NAV3: variants seen among roughly 807,000 people sequenced by gnomAD.
The protein encoded by NAV3 is neuron navigator 3.
NAV3 carries 87 observed loss-of-function variants against 244.7 expected under a neutral mutation model. The ratio of observed to expected loss-of-function variants is 0.36; its 90% CI spans 0.30 to 0.42. The LOEUF (loss-of-function observed/expected upper bound fraction) is 0.42. NAV3 is among the 20% of genes least tolerant of loss of function. The pLI, the probability that NAV3 is intolerant of heterozygous loss-of-function variation, is 1.00. For synonymous variants in NAV3, 1,126 were observed against 1,042.2 expected, an observed-to-expected ratio of 1.08 and a Z score of -1.55; for missense variants, 2,663 against 2,893.3, an observed-to-expected ratio of 0.92 and a Z score of 1.83.
intron 1 of NAV3, among the ~76,000 whole-genome samples, chr12:77,843,303 A>C (rs1876020166): frequency 6.6e-6 from 1 of 152,178 alleles, no homozygotes; most frequent in African/African-American, 2.4e-5. Flanking sequence ...ATTACAAAAA[A>C]AAAGACTATT....
chr12:77,579,328 T>G (rs891562762), intron 2 of NAV3, among the ~76,000 whole-genome samples: 1 of 152,186 alleles, frequency 6.6e-6, no homozygotes, highest in African/African-American at 2.4e-5. Flanking sequence ...TGAAAAGAAG[T>G]GGTGGTGCCC....
intron 2 of NAV3, among the ~76,000 whole-genome samples, chr12:77,756,730 C>A (rs147027411): frequency 4.2e-4 from 64 of 152,230 alleles, no homozygotes; most frequent in African/African-American, 1.4e-3. Flanking sequence ...TTTCTAATAA[C>A]TAAAGTATGA....
intron 34 of NAV3, among the ~76,000 whole-genome samples, chr12:78,193,987 CT>C (rs1959094132): frequency 6.6e-6 from 1 of 151,988 alleles, no homozygotes; most frequent in African/African-American, 2.4e-5. Flanking sequence ...TTTTTTCTCT[CT>C]GCTCTTCCTT....
chr12:77,743,039 ATACT>A (rs1868369041), intron 2 of NAV3, among the ~76,000 whole-genome samples: 1 of 152,016 alleles, frequency 6.6e-6, no homozygotes, highest in Non-Finnish European at 1.5e-5. Context: ...GAATTGCTTG[ATACT>A]TACCATAGAT....
At chr12:77,978,641 C>T (rs984437514) in intron 5 of NAV3, among the ~76,000 whole-genome samples, 3 of 151,982 alleles carry the variant, frequency 2.0e-5, no homozygotes, top group African/African-American at 7.2e-5. Flanking sequence ...CTACTAAAAA[C>T]TAACCTCATC....
chr12:77,877,760 C>T (rs1159934328), intron 1 of NAV3, among the ~76,000 whole-genome samples: 2 of 151,932 alleles, frequency 1.3e-5, no homozygotes, highest in Admixed American at 6.6e-5. Context: ...TCTTCCGAAG[C>T]GTGCAGTATC....
chr12:78,123,658 C>G (rs138425706), intron 16 of NAV3, among the ~76,000 whole-genome samples: 1 of 152,270 alleles, frequency 6.6e-6, no homozygotes, highest in African/African-American at 2.4e-5. Context: ...TTAACACTAA[C>G]TAAAATATTG....
intron 1 of NAV3, among the ~76,000 whole-genome samples, chr12:77,934,278 T>G (rs1889108455): frequency 6.6e-6 from 1 of 152,180 alleles, no homozygotes; most frequent in Non-Finnish European, 1.5e-5. Flanking sequence ...TTTTAACCTA[T>G]CCTCACATCT....
rs111276311 is a variant in NAV3 at position 77,914,224 on chromosome 12, T to G, written c.244-26095T>G. On this transcript the variant is annotated intron_variant, in intron 1 of 39. Transcript: ENST00000397909. ...CAATCTCTTTTGCAGACTAATACTA[T>G]TGGTCTTACTGGCACTTAAAGTGGT... Among the ~76,000 whole-genome samples the G allele has an allele frequency of 3.3e-3, 499 of 152,232 alleles. 1 individual carries two copies. The highest frequency in any genetic ancestry group is 5.4e-3 in the Non-Finnish European group (365 of 67,994).
intron 2 of NAV3, among the ~76,000 whole-genome samples, chr12:77,764,827 CGA>C (rs1380896121): frequency 6.6e-6 from 1 of 152,156 alleles, no homozygotes; most frequent in African/African-American, 2.4e-5. Context: ...GTGACATTTG[CGA>C]CAGCAAGTCT....
At chr12:77,840,024 G>A (rs529094281) in intron 1 of NAV3, among the ~76,000 whole-genome samples, 11 of 152,266 alleles carry the variant, frequency 7.2e-5, no homozygotes, top group African/African-American at 2.4e-4. Flanking sequence ...AGTGAGCCGA[G>A]ATCGCGCCAC....
intron 3 of NAV3, among the ~76,000 whole-genome samples, chr12:77,964,241 G>T (rs1383168864): frequency 6.6e-6 from 1 of 151,926 alleles, no homozygotes. Flanking sequence ...GCCTTTTCTG[G>T]ATTTTCAGTG....
chr12:78,193,414 C>T (rs1430886144), intron 34 of NAV3, among the ~76,000 whole-genome samples: 1 of 152,164 alleles, frequency 6.6e-6, no homozygotes, highest in Non-Finnish European at 1.5e-5. Context: ...GATCAGAAAA[C>T]TGTACCTGAT....
intron 1 of NAV3, among the ~76,000 whole-genome samples, chr12:77,929,971 A>C (rs1460515201): frequency 6.6e-6 from 1 of 152,004 alleles, no homozygotes; most frequent in Admixed American, 6.6e-5. Flanking sequence ...TTTTAAATGA[A>C]TGATTTTCAT....
rs1223786684 is a variant in NAV3 at position 78,200,478 on chromosome 12, C to T, written c.6721C>T (p.Arg2241Ter). The change falls in exon 38 of 40, where the codon CGA becomes TGA. Residue 2241 changes from arginine (R) to a stop codon, truncating the protein, a stop_gained. Transcript: ENST00000397909. LOFTEE classifies it high-confidence loss of function. Reference protein sequence around the residue: ...HSSSDVTIGPRLFLPCPMDVE... With the variant: ...HSSSDVTIGP ...TGTTATTTATTTCTTATCAGGTCCC[C>T]GACTATTCCTTCCTTGCCCCATGGA... 1 of 1,565,972 alleles carries T rather than the reference C, an allele frequency of 6.4e-7. No individual in the cohort carries two copies. Among genetic ancestry groups the T allele is most frequent in the Non-Finnish European group, 8.7e-7 (1 of 1,154,466 alleles).
chr12:78,093,936 C>G (rs1179480762), intron 12 of NAV3, among the ~76,000 whole-genome samples: 1 of 151,956 alleles, frequency 6.6e-6, no homozygotes, highest in African/African-American at 2.4e-5. Flanking sequence ...AACACTTGGG[C>G]TCAAACACTT....
chr12:77,719,488 C>T (rs1399363037), intron 2 of NAV3, among the ~76,000 whole-genome samples: 2 of 151,568 alleles, frequency 1.3e-5, no homozygotes, highest in Non-Finnish European at 2.9e-5. Flanking sequence ...ATCTTATACA[C>T]CTAGTACACT....
intron 9 of NAV3, chr12:78,036,680 T>A (rs1566044094): frequency 5.7e-6 from 3 of 522,386 alleles, no homozygotes; most frequent in Non-Finnish European, 1.0e-5. Context: ...AGTAAAGTGA[T>A]GTGTCAAGCT....
At chr12:77,602,459 G>A (rs1015525770) in intron 2 of NAV3, among the ~76,000 whole-genome samples, 2 of 151,894 alleles carry the variant, frequency 1.3e-5, no homozygotes, top group Non-Finnish European at 2.9e-5. Flanking sequence ...GTTTGAAAAA[G>A]GATTTTGGTT....
Sources: allele counts gnomAD v4.1 joint callset (sites outside exome capture counted in the v4.1 genomes callset), GRCh38; gene constraint gnomAD v4.1.1; transcripts MANE v1.5; gene names NCBI Gene and HGNC (gene_info 2026-07-23, HGNC 2026-07-21).